Variants in TRAPPC9 observed in about 807,000 individuals in gnomAD.
The protein encoded by TRAPPC9 is trafficking protein particle complex subunit 9.
A neutral mutation model predicts 124.0 loss-of-function variants in TRAPPC9; 83 were observed. The observed-to-expected ratio is 0.67, with a 90% CI of 0.56 to 0.80. The LOEUF (loss-of-function observed/expected upper bound fraction) is 0.80, where lower values mean the gene tolerates loss of function less well. Among genes scored for constraint, TRAPPC9 ranks in the 30% least tolerant of loss-of-function variants. TRAPPC9 has a pLI of 0.00. For missense variants in TRAPPC9, 1,302 were observed against 1,508.3 expected, an observed-to-expected ratio of 0.86 and a Z score of 2.27; for synonymous variants, 638 against 617.5, an observed-to-expected ratio of 1.03 and a Z score of -0.49.
intron 17 of TRAPPC9, among the ~76,000 whole-genome samples, chr8:140,166,504 G>A (rs1242133990): frequency 7.9e-5 from 12 of 152,196 alleles, no homozygotes; most frequent in South Asian, 2.1e-4. Context: ...ACACAGGAGC[G>A]TGTGCAAGCA....
Position 139,937,143 on chromosome 8 carries a change from A to G in TRAPPC9, c.2811-26843T>C, listed in dbSNP as rs894877844. 3.7e-4 allele frequency among the ~76,000 whole-genome samples: 57 copies of G among 152,246 alleles called. 1 individual carries two copies. Among genetic ancestry groups the G allele is most frequent in the Admixed American group, 3.3e-3 (50 of 15,290 alleles). ...GTCAGACCATACCTTGCTGCATCCC[A>G]GGAGGGGGCTGCTTTAGCCCCCTGT... On this transcript the variant is annotated intron_variant, in intron 19 of 22. Coordinates refer to ENST00000438773, the MANE Select transcript of TRAPPC9 (RefSeq NM_001160372.4).
chr8:139,883,230 G>A (rs1433658675), intron 21 of TRAPPC9, among the ~76,000 whole-genome samples: 1 of 152,246 alleles, frequency 6.6e-6, no homozygotes, highest in Non-Finnish European at 1.5e-5. Context: ...AGCACCACCT[G>A]AGCACTCTGC....
chr8:140,122,050 TCCCTTTCTCC>T (rs2060999175), intron 17 of TRAPPC9, among the ~76,000 whole-genome samples: 1 of 149,790 alleles, frequency 6.7e-6, no homozygotes. Context: ...TCTCTCTCTC[TCCCTTTCTCC>T]CTCCCTCTCT....
At chr8:139,866,490 G>C (rs986908732) in intron 21 of TRAPPC9, among the ~76,000 whole-genome samples, 11 of 152,206 alleles carry the variant, frequency 7.2e-5, no homozygotes, top group African/African-American at 2.7e-4. Flanking sequence ...GAACCTGTGG[G>C]ATCTCTGGGC....
intron 17 of TRAPPC9, among the ~76,000 whole-genome samples, chr8:140,090,023 T>C (rs1844460869): frequency 6.6e-6 from 1 of 152,016 alleles, no homozygotes; most frequent in Non-Finnish European, 1.5e-5. Flanking sequence ...GAGGATGCAG[T>C]GAGCCGAGTT....
intron 21 of TRAPPC9, among the ~76,000 whole-genome samples, chr8:139,826,091 G>C (rs559300514): frequency 3.9e-5 from 6 of 152,210 alleles, no homozygotes; most frequent in Non-Finnish European, 7.4e-5. Context: ...AAGTAGGGGA[G>C]GGCACAGAGA....
chr8:140,178,158 C>T (rs973662253), intron 17 of TRAPPC9, among the ~76,000 whole-genome samples: 2 of 152,046 alleles, frequency 1.3e-5, no homozygotes, highest in African/African-American at 4.8e-5. Flanking sequence ...CTATTCAGCA[C>T]AATATGAAAT....
chr8:140,339,536 C>A (rs1376478717), intron 9 of TRAPPC9, among the ~76,000 whole-genome samples: 1 of 152,166 alleles, frequency 6.6e-6, no homozygotes, highest in Admixed American at 6.5e-5. Context: ...GAAGTTCACA[C>A]GTGGAAAGGC....
At chr8:140,101,468 T>C (rs2060576314) in intron 17 of TRAPPC9, among the ~76,000 whole-genome samples, 1 of 151,924 alleles carries the variant, frequency 6.6e-6, no homozygotes, top group African/African-American at 2.4e-5. Context: ...TTTTAGGTGC[T>C]GATCACAGAG....
chr8:140,166,000 C>CT (rs2061830949), intron 17 of TRAPPC9, among the ~76,000 whole-genome samples: 1 of 152,202 alleles, frequency 6.6e-6, no homozygotes, highest in African/African-American at 2.4e-5. Context: ...GGTGCCCTGA[C>CT]TGTCCATGCT....
At chr8:139,780,647 G>T (rs1586827482) in intron 21 of TRAPPC9, among the ~76,000 whole-genome samples, 1 of 151,908 alleles carries the variant, frequency 6.6e-6, no homozygotes, top group Non-Finnish European at 1.5e-5. Flanking sequence ...AACACCAAAG[G>T]TAGAATCAGT....
rs1270212573 is a variant in TRAPPC9 at position 139,730,779 on chromosome 8, G to C, written c.*282C>G. On this transcript the variant is annotated 3_prime_UTR_variant, in exon 23 of 23. Transcript: ENST00000438773. ...TGGGTGCAGGGATCCTGGGACCTGG[G>C]CTGGATGGGCACCCGCTTTGGGATT... The C allele has an allele frequency of 4.1e-6, 2 of 484,446 alleles. No individual in the cohort carries two copies. Among genetic ancestry groups the C allele is most frequent in the African/African-American group, 1.9e-5 (1 of 51,558 alleles). 30.0% of individuals were successfully genotyped at this position (484,446 alleles called of 1,614,324 possible).
chr8:140,409,610 C>T (rs895384249), intron 5 of TRAPPC9, among the ~76,000 whole-genome samples: 1 of 152,078 alleles, frequency 6.6e-6, no homozygotes, highest in Non-Finnish European at 1.5e-5. Flanking sequence ...ACTTAGTGTG[C>T]CACGCAGCTG....
intron 9 of TRAPPC9, among the ~76,000 whole-genome samples, chr8:140,354,493 T>A (rs779231663): frequency 7.0e-4 from 106 of 152,298 alleles, no homozygotes; most frequent in Non-Finnish European, 2.6e-4. Flanking sequence ...TAATAACGTA[T>A]CTTGTAGGTT....
At chr8:140,077,505 G>A (rs1404182000) in intron 17 of TRAPPC9, among the ~76,000 whole-genome samples, 4 of 152,100 alleles carry the variant, frequency 2.6e-5, no homozygotes, top group Admixed American at 2.0e-4. Context: ...TGACCCCAGA[G>A]ATCCCAGCCT....
At chr8:140,415,767 A>G (rs974044097) in intron 5 of TRAPPC9, among the ~76,000 whole-genome samples, 1 of 152,136 alleles carries the variant, frequency 6.6e-6, no homozygotes, top group Non-Finnish European at 1.5e-5. Context: ...CCAGGAGTCC[A>G]AGACCGGGCT....
At chr8:140,441,391 C>A (rs1377390018) in intron 2 of TRAPPC9, among the ~76,000 whole-genome samples, 1 of 152,180 alleles carries the variant, frequency 6.6e-6, no homozygotes, top group Non-Finnish European at 1.5e-5. Context: ...AGTAACATAA[C>A]TGTCAACTCT....
At position 139,984,315 on chromosome 8, in the gene TRAPPC9, G is replaced by A. The variant is rs1012336172; in HGVS notation, c.2810+4411C>T. Among the ~76,000 whole-genome samples the A allele has an allele frequency of 6.6e-6, 1 of 152,152 alleles. No individual in the cohort carries two copies. Among genetic ancestry groups the A allele is most frequent in the Non-Finnish European group, 1.5e-5 (1 of 68,024 alleles). ...GGTAGCAGTGAGAGCACCACCTTCC[G>A]CTCCTGCTGGTAGCGATGAAGCTGG... is the stretch of plus-strand genomic sequence containing the variant. On this transcript the variant is annotated intron_variant, in intron 19 of 22. Coordinates refer to ENST00000438773, the MANE Select transcript of TRAPPC9 (RefSeq NM_001160372.4). This position sits in a 1 kb window ranked among gnomAD's most constrained non-coding sequence, Gnocchi z 4.3.
At chr8:140,220,940 C>T (rs972425693) in intron 17 of TRAPPC9, among the ~76,000 whole-genome samples, 2 of 152,186 alleles carry the variant, frequency 1.3e-5, no homozygotes, top group Non-Finnish European at 2.9e-5. Flanking sequence ...CTCAAAACCC[C>T]GGAGCACTTG....
Sources: allele counts gnomAD v4.1 joint callset (sites outside exome capture counted in the v4.1 genomes callset), GRCh38; gene constraint gnomAD v4.1.1; non-coding constraint Gnocchi (gnomAD v3.1); transcripts MANE v1.5; gene names NCBI Gene and HGNC (gene_info 2026-07-23, HGNC 2026-07-21).